Variants in GALNT17 observed in about 807,000 individuals in gnomAD.
The protein encoded by GALNT17 is polypeptide N-acetylgalactosaminyltransferase 17.
GALNT17 carries 29 observed loss-of-function variants against 63.7 expected under a neutral mutation model. That is an observed-to-expected ratio of 0.46 (90% CI 0.34 to 0.62). The LOEUF is 0.62. GALNT17 is among the 20% of genes least tolerant of loss of function. GALNT17 has a pLI of 0.01. For synonymous variants in GALNT17, 305 were observed against 318.3 expected, an observed-to-expected ratio of 0.96 and a Z score of 0.45; for missense variants, 603 against 799.6, an observed-to-expected ratio of 0.75 and a Z score of 2.97.
chr7:71,578,506 GT>G (rs1046115219), intron 6 of GALNT17, among the ~76,000 whole-genome samples: 2 of 151,666 alleles, frequency 1.3e-5, no homozygotes, highest in African/African-American at 4.8e-5. Context: ...GCTAATTGTT[GT>G]TTTTTGGTTC....
At chr7:71,209,971 G>A (rs1358760069) in intron 1 of GALNT17, among the ~76,000 whole-genome samples, 1 of 151,934 alleles carries the variant, frequency 6.6e-6, no homozygotes, top group African/African-American at 2.4e-5. Flanking sequence ...CACCGAGGCT[G>A]GAGTGCAGTG....
intron 5 of GALNT17, among the ~76,000 whole-genome samples, chr7:71,507,078 A>G (rs1352798122): frequency 6.6e-6 from 1 of 152,166 alleles, no homozygotes; most frequent in Non-Finnish European, 1.5e-5. Context: ...TTACAAAACA[A>G]CTAAAAATTA....
At chr7:71,554,760 G>T (rs985848170) in intron 5 of GALNT17, among the ~76,000 whole-genome samples, 2 of 152,162 alleles carry the variant, frequency 1.3e-5, no homozygotes, top group African/African-American at 4.8e-5. Context: ...GAATTCCAAC[G>T]TGAGCAGTAG....
chr7:71,160,751 G>A (rs1345912382), intron 1 of GALNT17, among the ~76,000 whole-genome samples: 2 of 152,136 alleles, frequency 1.3e-5, no homozygotes, highest in East Asian at 1.9e-4. Flanking sequence ...GAGCCACCGC[G>A]CACGGCCACG....
intron 5 of GALNT17, among the ~76,000 whole-genome samples, chr7:71,477,410 A>G (rs1004420263): frequency 7.2e-5 from 11 of 152,220 alleles, no homozygotes; most frequent in Admixed American, 7.2e-4. Context: ...GTGGAAGACC[A>G]AGGTGTCACT....
chr7:71,711,847 C>A (rs76479729), intron 10 of GALNT17, among the ~76,000 whole-genome samples, 171 bp from the exon 11 acceptor site: 2 of 150,882 alleles, frequency 1.3e-5, no homozygotes, highest in African/African-American at 4.9e-5. Flanking sequence ...TCTCTCTCTC[C>A]TCTTTCTGTC....
chr7:71,300,602 A>G, intron 1 of GALNT17: 1 of 298,470 alleles, frequency 3.4e-6, no homozygotes, highest in Non-Finnish European at 6.8e-6. Flanking sequence ...ATGCGCGTGC[A>G]CATACACACA....
At chr7:71,335,196 A>T (rs2116086421) in intron 1 of GALNT17, among the ~76,000 whole-genome samples, 1 of 152,126 alleles carries the variant, frequency 6.6e-6, no homozygotes, top group South Asian at 2.1e-4. Flanking sequence ...CAGTGGTGTG[A>T]TCTTGGCTCA....
At chr7:71,584,680 C>T (rs1034682190) in intron 6 of GALNT17, among the ~76,000 whole-genome samples, 2 of 152,134 alleles carry the variant, frequency 1.3e-5, no homozygotes, top group African/African-American at 4.8e-5. Flanking sequence ...AATAAGAATC[C>T]CAGCAAGGTC....
intron 1 of GALNT17, among the ~76,000 whole-genome samples, chr7:71,303,005 T>G (rs1185322137): frequency 6.6e-6 from 1 of 152,046 alleles, no homozygotes; most frequent in Non-Finnish European, 1.5e-5. Context: ...GCTGGGACTA[T>G]AGGCACGTGC....
At chr7:71,343,125 A>G (rs1049929812) in intron 2 of GALNT17, among the ~76,000 whole-genome samples, 5 of 152,196 alleles carry the variant, frequency 3.3e-5, no homozygotes, top group Non-Finnish European at 7.3e-5. Context: ...CTTCATTGCA[A>G]ACTAATCCTA....
intron 1 of GALNT17, among the ~76,000 whole-genome samples, chr7:71,136,173 T>C (rs879888865): frequency 1.1e-4 from 16 of 152,130 alleles, no homozygotes; most frequent in Non-Finnish European, 1.8e-4. Context: ...CCTGCTGCAG[T>C]GGGAGGCTGC....
chr7:71,322,746 A>G (rs1791639673), intron 1 of GALNT17, among the ~76,000 whole-genome samples: 1 of 152,154 alleles, frequency 6.6e-6, no homozygotes, highest in Non-Finnish European at 1.5e-5. Context: ...CAGGGTCCTT[A>G]TAGGAGAGGA....
At chr7:71,514,806 CCT>C (rs1234456925) in intron 5 of GALNT17, among the ~76,000 whole-genome samples, 3 of 152,150 alleles carry the variant, frequency 2.0e-5, no homozygotes, top group African/African-American at 4.8e-5. Context: ...CTCACCAGAG[CCT>C]GACCACCTGA....
At chr7:71,566,780 G>A (rs1789355401) in intron 5 of GALNT17, among the ~76,000 whole-genome samples, 1 of 151,868 alleles carries the variant, frequency 6.6e-6, no homozygotes, top group Non-Finnish European at 1.5e-5. Flanking sequence ...ATGTGGAGAA[G>A]GACCGATTGC....
rs530343358 is a variant in GALNT17 at position 71,570,809 on chromosome 7, G to A, written c.963-476G>A. Among the ~76,000 whole-genome samples the A allele has an allele frequency of 2.1e-3, 319 of 152,024 alleles. 3 individuals are homozygous for A. The highest frequency in any genetic ancestry group is 9.7e-4 in the East Asian group (5 of 5,146). On this transcript the variant is annotated intron_variant, in intron 5 of 10. Coordinates refer to ENST00000333538, the MANE Select transcript of GALNT17 (RefSeq NM_022479.3). ...AGCCTGACCAACATGGAGAAACCCCGGCTCTACTAAAAATACAAAATTAGC... is the reference window on the plus strand; with the variant it reads ...AGCCTGACCAACATGGAGAAACCCCAGCTCTACTAAAAATACAAAATTAGC...
chr7:71,552,861 G>A (rs1474141906), intron 5 of GALNT17, among the ~76,000 whole-genome samples: 4 of 152,166 alleles, frequency 2.6e-5, no homozygotes, highest in Admixed American at 1.3e-4. Flanking sequence ...GGCCTTTTGA[G>A]GTGGCTAGAA....
chr7:71,236,136 G>A (rs542285555), intron 1 of GALNT17, among the ~76,000 whole-genome samples: 5 of 151,830 alleles, frequency 3.3e-5, no homozygotes, highest in South Asian at 2.1e-4. Flanking sequence ...AGCTGAGATC[G>A]CGCCACTGCA....
intron 1 of GALNT17, among the ~76,000 whole-genome samples, chr7:71,329,921 G>GTGTGTGTGTGTATATATATACACACATA (rs1563007508): frequency 3.0e-4 from 44 of 149,098 alleles, no homozygotes; most frequent in Admixed American, 4.0e-4. Flanking sequence ...ATATGTATGT[G>GTGTGTGTGTGTATATATATACACACATA]TGTGTGTGTG....
Sources: gnomAD v4.1 joint callset for allele counts (sites outside exome capture counted in the v4.1 genomes callset) on GRCh38, gnomAD v4.1.1 for gene constraint, MANE v1.5 for transcripts, NCBI Gene and HGNC (gene_info 2026-07-23, HGNC 2026-07-21) for gene names.